Variants in PCDH15 observed in about 807,000 individuals in gnomAD.
The protein encoded by PCDH15 is protocadherin-15.
In PCDH15, 129 loss-of-function variants were observed where a neutral mutation model predicts 178.5. That is an observed-to-expected ratio of 0.72 (90% CI 0.63 to 0.84). The LOEUF is 0.84. Ranked by LOEUF, PCDH15 falls within the 40% of genes least tolerant of loss-of-function variation. PCDH15 has a pLI of 0.00. For missense variants in PCDH15, 2,230 were observed against 2,099.9 expected, an observed-to-expected ratio of 1.06 and a Z score of -1.21; for synonymous variants, 800 against 732.0, an observed-to-expected ratio of 1.09 and a Z score of -1.50.
chr10:55,288,225 G>C (rs1017057371), intron 1 of PCDH15, among the ~76,000 whole-genome samples: 1 of 150,300 alleles, frequency 6.7e-6, no homozygotes, highest in Non-Finnish European at 1.5e-5. Context: ...AAAAAAATTG[G>C]GAGAAAAATA....
At chr10:54,441,499 A>C (rs1191241105) in intron 3 of PCDH15, among the ~76,000 whole-genome samples, 3 of 151,882 alleles carry the variant, frequency 2.0e-5, no homozygotes, top group Non-Finnish European at 4.4e-5. Context: ...ATGTGAGAGC[A>C]GCTGTGGGTT....
intron 2 of PCDH15, among the ~76,000 whole-genome samples, chr10:55,010,799 TA>T (rs5785110): frequency 0.1 from 15,145 of 150,656 alleles, 1,411 homozygotes; most frequent in African/African-American, 0.24. Context: ...CAACAACTTA[TA>T]AAAAAAAAAG....
At chr10:55,542,100 C>T (rs1000912590) in intron 2 of PCDH15, among the ~76,000 whole-genome samples, 2 of 151,464 alleles carry the variant, frequency 1.3e-5, no homozygotes, top group Non-Finnish European at 3.0e-5. Flanking sequence ...ATGGAAGTAC[C>T]TCTGGAACCT....
At chr10:54,645,742 A>G (rs951130176) in intron 2 of PCDH15, among the ~76,000 whole-genome samples, 1 of 152,182 alleles carries the variant, frequency 6.6e-6, no homozygotes, top group African/African-American at 2.4e-5. Flanking sequence ...CAAAGAAAAC[A>G]TTAAGGAATA....
At chr10:55,352,170 T>G (rs1844955382) in intron 2 of PCDH15, among the ~76,000 whole-genome samples, 1 of 152,186 alleles carries the variant, frequency 6.6e-6, no homozygotes, top group African/African-American at 2.4e-5. Context: ...TGGAATACAT[T>G]TTTGAATAAA....
At chr10:53,943,484 A>G (rs1284560942) in intron 23 of PCDH15, among the ~76,000 whole-genome samples, 1 of 149,752 alleles carries the variant, frequency 6.7e-6, no homozygotes, top group East Asian at 2.0e-4. Flanking sequence ...TCAAAAAAAC[A>G]AAAACAAACA....
chr10:55,089,285 G>A (rs980799084), intron 2 of PCDH15, among the ~76,000 whole-genome samples: 4 of 152,132 alleles, frequency 2.6e-5, no homozygotes, highest in African/African-American at 9.7e-5. Context: ...AAGGGTAAAA[G>A]AAGCAGTCAC....
intron 23 of PCDH15, among the ~76,000 whole-genome samples, chr10:53,957,701 G>C (rs2087767568): frequency 3.3e-5 from 5 of 152,038 alleles, no homozygotes; most frequent in Admixed American, 3.3e-4. Context: ...AATATTTTCT[G>C]ACCACGGTTG....
chr10:55,488,332 A>C (rs1361525215), intron 2 of PCDH15, among the ~76,000 whole-genome samples: 1 of 151,582 alleles, frequency 6.6e-6, no homozygotes, highest in Non-Finnish European at 1.5e-5. Context: ...TACTTATGAG[A>C]GTGTCTACAG....
intron 2 of PCDH15, among the ~76,000 whole-genome samples, chr10:54,565,205 C>G (rs556941150): frequency 1.3e-5 from 2 of 152,164 alleles, no homozygotes; most frequent in African/African-American, 2.4e-5. Flanking sequence ...ATTCCAACAC[C>G]TTTCCTTTGT....
chr10:55,068,654 T>C (rs1344554274), intron 2 of PCDH15, among the ~76,000 whole-genome samples: 1 of 152,096 alleles, frequency 6.6e-6, no homozygotes, highest in African/African-American at 2.4e-5. Context: ...TCATAGGGAT[T>C]ACATTAAATC....
intron 2 of PCDH15, among the ~76,000 whole-genome samples, chr10:55,454,973 A>T (rs937787066): frequency 3.5e-4 from 53 of 152,086 alleles, no homozygotes; most frequent in Admixed American, 3.2e-3. Flanking sequence ...ATACACATGT[A>T]TACAATGTAT....
chr10:53,812,484 A>G (rs1247277849), intron 35 of PCDH15, among the ~76,000 whole-genome samples: 1 of 152,048 alleles, frequency 6.6e-6, no homozygotes, highest in Non-Finnish European at 1.5e-5. Flanking sequence ...AAGTGCTGGG[A>G]TTACAGGCGT....
At chr10:54,299,060 T>C (rs924854819) in intron 8 of PCDH15, among the ~76,000 whole-genome samples, 1 of 152,132 alleles carries the variant, frequency 6.6e-6, no homozygotes, top group Non-Finnish European at 1.5e-5. Flanking sequence ...AGTCTTATAC[T>C]GCCGAAGCCA....
chr10:54,184,788 A>G (rs561482539), intron 12 of PCDH15, among the ~76,000 whole-genome samples: 1 of 152,154 alleles, frequency 6.6e-6, no homozygotes, highest in Non-Finnish European at 1.5e-5. Flanking sequence ...ATGACTAAAT[A>G]AAAAATGCAA....
chr10:55,075,750 A>C (rs1317900694), intron 2 of PCDH15, among the ~76,000 whole-genome samples: 1 of 149,150 alleles, frequency 6.7e-6, no homozygotes, highest in Non-Finnish European at 1.5e-5. Context: ...TTCTGCTCTG[A>C]TCTTTATTGT....
chr10:54,146,651 T>C (rs1289772752), intron 14 of PCDH15, among the ~76,000 whole-genome samples: 4 of 151,616 alleles, frequency 2.6e-5, no homozygotes. Flanking sequence ...TCTGAATCTT[T>C]AGCTGGTTTA....
chr10:54,693,882 G>A (rs565792371), intron 1 of PCDH15, among the ~76,000 whole-genome samples: 12 of 152,122 alleles, frequency 7.9e-5, no homozygotes, highest in South Asian at 2.1e-4. Flanking sequence ...ATCAGAAATC[G>A]TACAAGAAAA....
At chr10:54,655,267 A>AGAGGGAGAGAGAGGGG (rs2094359901) in intron 2 of PCDH15, among the ~76,000 whole-genome samples, 1 of 99,508 alleles carries the variant, frequency 1.0e-5, no homozygotes, top group African/African-American at 4.2e-5. Flanking sequence ...AGAGAGAGAG[A>AGAGGGAGAGAGAGGGG]GAGAGAGAGA....
Sources: gnomAD v4.1 joint callset for allele counts (sites outside exome capture counted in the v4.1 genomes callset) on GRCh38, gnomAD v4.1.1 for gene constraint, MANE v1.5 for transcripts, NCBI Gene and HGNC (gene_info 2026-07-23, HGNC 2026-07-21) for gene names.